The following PCDH7 variants were observed in gnomAD, a reference collection of about 807,000 sequenced individuals.
PCDH7 encodes the protein protocadherin-7.
PCDH7 carries 17 observed loss-of-function variants against 58.9 expected under a neutral mutation model. The ratio of observed to expected loss-of-function variants is 0.29; its 90% CI spans 0.20 to 0.43. The LOEUF (loss-of-function observed/expected upper bound fraction) is 0.43. Among genes scored for constraint, PCDH7 ranks in the 20% least tolerant of loss-of-function variants. The probability of loss-of-function intolerance (pLI) is 1.00; values close to 1 mark genes in which losing one functional copy is unlikely to be tolerated. For synonymous variants in PCDH7, 664 were observed against 616.4 expected, an observed-to-expected ratio of 1.08 and a Z score of -1.14; for missense variants, 1,274 against 1,441.0, an observed-to-expected ratio of 0.88 and a Z score of 1.88.
chr4:31,036,096 T>G lies in PCDH7; in HGVS notation c.*7+85881T>G, dbSNP rs189329753. Among the ~76,000 whole-genome samples, 178 of 152,322 alleles carry G rather than the reference T, an allele frequency of 1.2e-3. 2 individuals are homozygous for G. The South Asian group carries it at 0.018, about 16-fold the overall frequency. On this transcript the variant is annotated intron_variant, in intron 3 of 3. Transcript: ENST00000509759. ...TTATAAATGTGTTTTACACAAAATG[T>G]GAAGGGTTTATTGTTATAATAGCTT...
chr4:30,805,131 C>T (rs574300294), intron 1 of PCDH7, among the ~76,000 whole-genome samples: 1 of 152,326 alleles, frequency 6.6e-6, no homozygotes, highest in Non-Finnish European at 1.5e-5. Context: ...CTGACTACAT[C>T]TTGTCAGTCT....
At chr4:30,826,470 A>G (rs1729104319) in intron 1 of PCDH7, among the ~76,000 whole-genome samples, 1 of 152,072 alleles carries the variant, frequency 6.6e-6, no homozygotes, top group South Asian at 2.1e-4. Context: ...CATATCTAGT[A>G]TATTAGAAGC....
At chr4:30,841,311 T>C (rs753804587) in intron 1 of PCDH7, among the ~76,000 whole-genome samples, 11 of 152,162 alleles carry the variant, frequency 7.2e-5, no homozygotes, top group African/African-American at 1.4e-4. Flanking sequence ...CGGAGGTTTT[T>C]ATAGGGGAAA....
chr4:31,062,187 A>T (rs1215717671), intron 3 of PCDH7, among the ~76,000 whole-genome samples: 2 of 151,694 alleles, frequency 1.3e-5, no homozygotes, highest in African/African-American at 4.8e-5. Flanking sequence ...TATGATAACC[A>T]TCTATTACAA....
At chr4:31,087,744 C>T (rs1222754350) in intron 3 of PCDH7, among the ~76,000 whole-genome samples, 2 of 151,972 alleles carry the variant, frequency 1.3e-5, no homozygotes, top group African/African-American at 2.4e-5. Context: ...ATCTTGTCGC[C>T]GTTTTTGCAT....
intron 3 of PCDH7, among the ~76,000 whole-genome samples, chr4:30,990,474 C>T (rs1751375502): frequency 6.6e-6 from 1 of 151,946 alleles, no homozygotes; most frequent in East Asian, 1.9e-4. Flanking sequence ...GAATTCTTAC[C>T]CTTTCTATCC....
chr4:30,779,482 T>C (rs1243901840), intron 1 of PCDH7, among the ~76,000 whole-genome samples: 1 of 152,210 alleles, frequency 6.6e-6, no homozygotes, highest in Admixed American at 6.5e-5. Context: ...AACTTTCTAA[T>C]GGTCAGAAAG....
chr4:30,883,361 G>A (rs1190447299), intron 1 of PCDH7, among the ~76,000 whole-genome samples: 6 of 152,112 alleles, frequency 3.9e-5, no homozygotes, highest in African/African-American at 7.2e-5. Context: ...ACACTGCCTC[G>A]CTTACATGTA....
chr4:31,098,410 C>A (rs1240141945), intron 3 of PCDH7, among the ~76,000 whole-genome samples: 1 of 152,106 alleles, frequency 6.6e-6, no homozygotes, highest in African/African-American at 2.4e-5. Flanking sequence ...CACATTATTT[C>A]TAATATTCCT....
At chr4:31,082,175 TA>T (rs910939212) in intron 3 of PCDH7, among the ~76,000 whole-genome samples, 55 of 152,318 alleles carry the variant, frequency 3.6e-4, no homozygotes, top group African/African-American at 1.3e-3. Flanking sequence ...ACTGCCTTTG[TA>T]AAGCCTAGAC....
intron 1 of PCDH7, among the ~76,000 whole-genome samples, chr4:30,746,851 T>G (rs1717843966): frequency 6.6e-6 from 1 of 152,174 alleles, no homozygotes; most frequent in South Asian, 2.1e-4. Flanking sequence ...TCTCCTTTCT[T>G]TCTGTTTGTG....
intron 3 of PCDH7, among the ~76,000 whole-genome samples, chr4:30,960,493 T>TCATCTAGAGAACTCTTACACA (rs1341125153): frequency 1.3e-5 from 2 of 152,142 alleles, no homozygotes; most frequent in Non-Finnish European, 2.9e-5. Context: ...TTTAGAATAA[T>TCATCTAGAGAACTCTTACACA]CATCTAGAGA....
chr4:30,978,594 G>A (rs1750279845), intron 3 of PCDH7, among the ~76,000 whole-genome samples: 1 of 152,042 alleles, frequency 6.6e-6, no homozygotes, highest in Non-Finnish European at 1.5e-5. Context: ...AACTTTCTGA[G>A]CTCTGATTTT....
chr4:31,062,686 A>T (rs977270711), intron 3 of PCDH7, among the ~76,000 whole-genome samples: 3 of 151,716 alleles, frequency 2.0e-5, no homozygotes, highest in Non-Finnish European at 4.4e-5. Context: ...CTTTCTTCAT[A>T]TTCTTTTCAG....
chr4:31,066,751 G>T (rs1560617044), intron 3 of PCDH7, among the ~76,000 whole-genome samples: 1 of 151,844 alleles, frequency 6.6e-6, no homozygotes, highest in African/African-American at 2.4e-5. Context: ...CATATGGAGA[G>T]TACCATCTGT....
intron 3 of PCDH7, among the ~76,000 whole-genome samples, chr4:31,038,528 T>A (rs1038136442): frequency 6.6e-5 from 10 of 152,166 alleles, no homozygotes; most frequent in African/African-American, 2.2e-4. Flanking sequence ...TTTACTGCTG[T>A]CTTATTTTTC....
At chr4:30,755,169 C>A (rs1047015452) in intron 1 of PCDH7, among the ~76,000 whole-genome samples, 1 of 152,114 alleles carries the variant, frequency 6.6e-6, no homozygotes. Flanking sequence ...TCATCATATG[C>A]GTGCCATCCT....
At chr4:30,916,306 T>C (rs1054186033) in intron 1 of PCDH7, among the ~76,000 whole-genome samples, 1 of 152,198 alleles carries the variant, frequency 6.6e-6, no homozygotes, top group African/African-American at 2.4e-5. Context: ...TTCTTCTTCC[T>C]CCTCTTTCAT....
At position 31,041,934 on chromosome 4, in the gene PCDH7, A is replaced by T. The variant is rs571791907; in HGVS notation, c.*7+91719A>T. Among the ~76,000 whole-genome samples the T allele has an allele frequency of 3.3e-5, 5 of 152,246 alleles. No individual in the cohort carries two copies. The East Asian group carries it at 9.7e-4, about 29-fold the overall frequency. On this transcript the variant is annotated intron_variant, in intron 3 of 3. Coordinates refer to the PCDH7 transcript ENST00000509759. The stretch of plus-strand genomic sequence containing the variant: ...ATAGAAGTGAAATATTTTTTCCTTC[A>T]AGAGAGTTGTGTGCAACAGGGGACA...
Sources: allele counts gnomAD v4.1 joint callset (sites outside exome capture counted in the v4.1 genomes callset), GRCh38; gene constraint gnomAD v4.1.1; transcripts MANE v1.5; gene names NCBI Gene and HGNC (gene_info 2026-07-23, HGNC 2026-07-21).